Variants in GPHN observed in about 807,000 individuals in gnomAD.
GPHN encodes the protein gephyrin.
In GPHN, 17 loss-of-function variants were observed where a neutral mutation model predicts 95.5. That is an observed-to-expected ratio of 0.18 (90% CI 0.12 to 0.27). The LOEUF (loss-of-function observed/expected upper bound fraction) is 0.27, where lower values mean the gene tolerates loss of function less well. Ranked by LOEUF, GPHN falls within the 10% of genes least tolerant of loss-of-function variation. The pLI is 1.00. For missense variants in GPHN, 660 were observed against 978.1 expected (o/e 0.67, Z 4.34); for synonymous variants, 320 against 322.5 (o/e 0.99, Z 0.08).
At chr14:66,748,826 C>T (rs530418597) in intron 2 of GPHN, among the ~76,000 whole-genome samples, 11 of 151,998 alleles carry the variant, frequency 7.2e-5, no homozygotes, top group Non-Finnish European at 1.3e-4. Context: ...TTGCCTAAAA[C>T]GAACTATAAG....
At chr14:66,610,981 G>A (rs377311571) in intron 1 of GPHN, among the ~76,000 whole-genome samples, 172 of 152,192 alleles carry the variant, frequency 1.1e-3, no homozygotes, top group African/African-American at 3.8e-3. Context: ...TTGCTGTACT[G>A]ACTTAGCAGA....
Position 66,965,253 on chromosome 14 carries a change from C to T in GPHN, c.891C>T (p.Ser297=). Residue 297 remains serine, a synonymous_variant, in exon 9 of 23, where the codon AGC becomes AGT. Transcript: ENST00000478722. ...QVLPRDTASL[S]TTPSESPRAQ... ...TCCCACGAGACACAGCCTCCCTCAG[C>T]ACTACTCCTTCAGAATCGCCTCGTG... The T allele has an allele frequency of 6.2e-7, 1 of 1,611,798 alleles. No homozygotes were observed. Among genetic ancestry groups the T allele is most frequent in the Non-Finnish European group, 8.5e-7 (1 of 1,177,902 alleles).
intron 4 of GPHN, among the ~76,000 whole-genome samples, chr14:66,825,513 A>AC (rs758275965): frequency 5.6e-4 from 84 of 150,778 alleles, no homozygotes; most frequent in Non-Finnish European, 1.0e-3. Flanking sequence ...AAATTGCTTG[A>AC]CCCCCCACCC....
chr14:67,318,432 AT>A, the GPHN span, among the ~76,000 whole-genome samples: 1 of 152,090 alleles, frequency 6.6e-6, no homozygotes. Context: ...TATCTCTTTT[AT>A]TTTTTGAAAC....
intron 2 of GPHN, among the ~76,000 whole-genome samples, chr14:66,690,297 A>G (rs2067686027): frequency 6.6e-6 from 1 of 152,122 alleles, no homozygotes; most frequent in Non-Finnish European, 1.5e-5. Flanking sequence ...ACCCACGTTC[A>G]TTGTAGAACA....
At chr14:66,561,418 C>T (rs2060236820) in intron 1 of GPHN, among the ~76,000 whole-genome samples, 1 of 152,064 alleles carries the variant, frequency 6.6e-6, no homozygotes, top group Non-Finnish European at 1.5e-5. Context: ...AATTTCAGAG[C>T]CTGTTATTGG....
chr14:67,066,165 G>A (rs1298795409), intron 11 of GPHN, among the ~76,000 whole-genome samples: 1 of 152,126 alleles, frequency 6.6e-6, no homozygotes, highest in Non-Finnish European at 1.5e-5. Flanking sequence ...TTGCTTGTCT[G>A]TAAAGGACTT....
intron 2 of GPHN, among the ~76,000 whole-genome samples, chr14:66,723,018 C>A (rs952199957): frequency 6.6e-6 from 1 of 152,124 alleles, no homozygotes; most frequent in African/African-American, 2.4e-5. Context: ...CATTCTACTT[C>A]CCTTGAATAC....
chr14:67,348,044 C>T, the GPHN span, among the ~76,000 whole-genome samples: 1 of 151,732 alleles, frequency 6.6e-6, no homozygotes, highest in Non-Finnish European at 1.5e-5. Flanking sequence ...TCCTGAGTAG[C>T]TGGGACAACA....
intron 9 of GPHN, among the ~76,000 whole-genome samples, chr14:66,993,506 T>A (rs1207938771): frequency 1.3e-5 from 2 of 152,224 alleles, no homozygotes; most frequent in African/African-American, 4.8e-5. Flanking sequence ...AAGACCATGA[T>A]GAACTTTTGA....
At chr14:67,562,444 GCTT>G in the GPHN span, 1 of 1,613,900 alleles carries the variant, frequency 6.2e-7, no homozygotes, top group Non-Finnish European at 8.5e-7. Flanking sequence ...CATGCATGAA[GCTT>G]CTTACCTTCA....
At chr14:67,500,567 A>G in the GPHN span, among the ~76,000 whole-genome samples, 1 of 146,176 alleles carries the variant, frequency 6.8e-6, no homozygotes, top group East Asian at 2.0e-4. Context: ...TTCCATGTGC[A>G]TTTGGATTTT....
At chr14:67,059,542 C>T (rs1233160870) in intron 11 of GPHN, among the ~76,000 whole-genome samples, 1 of 152,130 alleles carries the variant, frequency 6.6e-6, no homozygotes. Context: ...ATAAAATATT[C>T]AAACTACAAT....
At chr14:67,375,754 TA>T in the GPHN span, among the ~76,000 whole-genome samples, 2 of 152,342 alleles carry the variant, frequency 1.3e-5, no homozygotes, top group African/African-American at 4.8e-5. Flanking sequence ...GTCTCTAAAC[TA>T]GCAGCATTGA....
chr14:66,679,191 A>G (rs1042128556), intron 1 of GPHN, among the ~76,000 whole-genome samples: 2 of 152,232 alleles, frequency 1.3e-5, no homozygotes, highest in Admixed American at 6.5e-5. Flanking sequence ...GGGTGCCTTC[A>G]TTTTTAGATG....
intron 4 of GPHN, among the ~76,000 whole-genome samples, chr14:66,848,287 A>T (rs2062422563): frequency 6.6e-6 from 1 of 152,098 alleles, no homozygotes; most frequent in Non-Finnish European, 1.5e-5. Flanking sequence ...TTTGCATTGT[A>T]ATCAAAGGTG....
At chr14:67,063,890 G>T (rs959471048) in intron 11 of GPHN, among the ~76,000 whole-genome samples, 2 of 152,162 alleles carry the variant, frequency 1.3e-5, no homozygotes, top group African/African-American at 2.4e-5. Context: ...GAGACAATTT[G>T]ACTTCCTCTT....
In GPHN at chr14:66,696,613, C is replaced by A. The variant is rs957106656; in HGVS notation, c.143+15428C>A. On this transcript the variant is annotated intron_variant, in intron 2 of 22. Coordinates refer to ENST00000478722, the MANE Select transcript of GPHN (RefSeq NM_020806.5). ...GAAAGCTTATACTATAACCACCCTA[C>A]TCCTGCCAAACACTACAGAAAAACT... Among the ~76,000 whole-genome samples, 4 of 152,232 alleles carry A rather than the reference C, an allele frequency of 2.6e-5. No individual in the cohort carries two copies. In the South Asian group the frequency reaches 8.3e-4, roughly 32 times the overall value.
At chr14:67,731,260 G>A in the GPHN span, among the ~76,000 whole-genome samples, 11 of 136,314 alleles carry the variant, frequency 8.1e-5, no homozygotes, top group African/African-American at 2.7e-4. Context: ...TGTTGCCCAG[G>A]CTGGAGTGCA....
Sources: allele counts gnomAD v4.1 joint callset (sites outside exome capture counted in the v4.1 genomes callset), GRCh38; gene constraint gnomAD v4.1.1; transcripts MANE v1.5; gene names NCBI Gene and HGNC (gene_info 2026-07-23, HGNC 2026-07-21).